Variants in FBXL13 observed in about 807,000 individuals in gnomAD.
FBXL13 encodes the protein F-box and leucine rich repeat protein 13.
A neutral mutation model predicts 83.6 loss-of-function variants in FBXL13; 67 were observed. That is an observed-to-expected ratio of 0.80 (90% CI 0.66 to 0.98). The LOEUF is 0.98. FBXL13 is among the 50% of genes least tolerant of loss of function. The pLI, the probability that FBXL13 is intolerant of heterozygous loss-of-function variation, is 0.00. For synonymous variants in FBXL13, 272 were observed against 299.5 expected (o/e 0.91, Z 0.95); for missense variants, 822 against 866.5 (o/e 0.95, Z 0.64).
intron 8 of FBXL13, among the ~76,000 whole-genome samples, chr7:102,942,694 ACC>A (rs1821694241): frequency 6.6e-6 from 1 of 152,146 alleles, no homozygotes; most frequent in Non-Finnish European, 1.5e-5. Flanking sequence ...TTTGTCCCCT[ACC>A]CGCAAGACAT....
chr7:102,879,455 G>A (rs1809716391), intron 14 of FBXL13, among the ~76,000 whole-genome samples: 2 of 151,740 alleles, frequency 1.3e-5, no homozygotes, highest in Admixed American at 1.3e-4. Context: ...GTGTGTGTGT[G>A]TGTGTGTGTG....
chr7:102,984,199 C>T (rs140442218), intron 6 of FBXL13, among the ~76,000 whole-genome samples: 1 of 151,834 alleles, frequency 6.6e-6, no homozygotes, highest in Non-Finnish European at 1.5e-5. Flanking sequence ...AATCTGATCA[C>T]ATTAAAAAGC....
chr7:102,879,027 T>A (rs1408834221), intron 14 of FBXL13, among the ~76,000 whole-genome samples: 2 of 152,188 alleles, frequency 1.3e-5, no homozygotes, highest in African/African-American at 4.8e-5. Flanking sequence ...AACCCTACCA[T>A]GTTGATCTTG....
chr7:103,042,469 AC>A (rs1297394082), intron 2 of FBXL13, among the ~76,000 whole-genome samples: 1 of 152,230 alleles, frequency 6.6e-6, no homozygotes, highest in African/African-American at 2.4e-5. Context: ...ATTGGAAAAA[AC>A]TACTTTAAAG....
chr7:102,911,107 G>T (rs1453207315), intron 11 of FBXL13, among the ~76,000 whole-genome samples: 1 of 152,160 alleles, frequency 6.6e-6, no homozygotes, highest in Non-Finnish European at 1.5e-5. Flanking sequence ...TTGTTAACTT[G>T]GTGTCCTTGG....
At chr7:102,884,869 T>C (rs892152139) in intron 11 of FBXL13, among the ~76,000 whole-genome samples, 11 of 152,156 alleles carry the variant, frequency 7.2e-5, no homozygotes, top group Non-Finnish European at 1.5e-4. Flanking sequence ...TCTGAATATT[T>C]CATATAAATG....
At chr7:102,939,966 C>T (rs1821077402) in intron 8 of FBXL13, among the ~76,000 whole-genome samples, 1 of 151,252 alleles carries the variant, frequency 6.6e-6, no homozygotes, top group Admixed American at 6.6e-5. Context: ...GTGATCTCGG[C>T]TCACTGCAAC....
chr7:102,985,278 C>A (rs1198623749), intron 6 of FBXL13, among the ~76,000 whole-genome samples: 1 of 152,222 alleles, frequency 6.6e-6, no homozygotes, highest in African/African-American at 2.4e-5. Context: ...TCTCTGTAGA[C>A]CATGTCCTAG....
intron 6 of FBXL13, among the ~76,000 whole-genome samples, chr7:103,020,181 A>G (rs575163334): frequency 2.4e-4 from 36 of 152,340 alleles, no homozygotes; most frequent in African/African-American, 8.4e-4. Flanking sequence ...TATGCAAATC[A>G]ATAAACATAG....
intron 3 of FBXL13, among the ~76,000 whole-genome samples, 173 bp from the exon 5 acceptor site, chr7:103,028,921 A>G (rs1378045699): frequency 6.6e-6 from 1 of 152,162 alleles, no homozygotes; most frequent in Admixed American, 6.6e-5. Flanking sequence ...AGAGTTATAG[A>G]GAAAAATGGA....
intron 5 of FBXL13, among the ~76,000 whole-genome samples, chr7:103,027,062 G>A (rs1340266838): frequency 6.6e-6 from 1 of 152,102 alleles, no homozygotes; most frequent in African/African-American, 2.4e-5. Context: ...AGGAGGCCGA[G>A]GCGGGCAGAT....
intron 6 of FBXL13, among the ~76,000 whole-genome samples, chr7:103,011,461 C>T (rs1310268643): frequency 6.6e-6 from 1 of 151,728 alleles, no homozygotes; most frequent in Non-Finnish European, 1.5e-5. Context: ...ATGGTGAAAC[C>T]CCATCTCTAC....
intron 8 of FBXL13, 54 bp from the exon 10 acceptor site, chr7:102,931,987 A>C: frequency 1.3e-6 from 2 of 1,529,060 alleles, no homozygotes; most frequent in Non-Finnish European, 1.8e-6. Context: ...TGTTTAAACA[A>C]AGTTTTTCTA....
exon 19 of FBXL13, chr7:102,822,056 A>G: frequency 6.2e-7 from 1 of 1,614,194 alleles, no homozygotes; most frequent in East Asian, 2.2e-5. Flanking sequence ...ATATTTGTGC[A>G]GTATTGCATC....
At chr7:102,981,351 T>C (rs1176256616) in intron 6 of FBXL13, among the ~76,000 whole-genome samples, 1 of 152,122 alleles carries the variant, frequency 6.6e-6, no homozygotes, top group African/African-American at 2.4e-5. Context: ...AATTTTTACT[T>C]ATTTGATCTA....
rs1809443643 is a variant in FBXL13 at position 102,877,606 on chromosome 7, A to G, written c.1509-13T>C. On this transcript the variant is annotated splice_polypyrimidine_tract_variant and intron_variant, in intron 15 of 19. Transcript: ENST00000313221. Reference sequence around the variant, plus strand: ...TAAATTAGGGCAGCTAAAAGAAAGTAGCATGGATTAATTTTAGCTGTCAAT... The same window carrying G: ...TAAATTAGGGCAGCTAAAAGAAAGTGGCATGGATTAATTTTAGCTGTCAAT... 1.2e-6 allele frequency: 2 copies of G among 1,600,792 alleles called. No individual in the cohort carries two copies. The highest frequency in any genetic ancestry group is 8.5e-7 in the Non-Finnish European group (1 of 1,176,628).
intron 8 of FBXL13, chr7:102,933,854 AGGAATACTT>A: frequency 6.8e-7 from 1 of 1,470,490 alleles, no homozygotes; most frequent in African/African-American, 1.4e-5. Flanking sequence ...TGGATTTCAA[AGGAATACTT>A]TCATTGTTCC....
At chr7:102,915,700 C>G (rs547435126) in intron 10 of FBXL13, among the ~76,000 whole-genome samples, 1 of 150,864 alleles carries the variant, frequency 6.6e-6, no homozygotes, top group African/African-American at 2.5e-5. Context: ...ACAAAAACAG[C>G]CAATTATATT....
At chr7:103,056,571 G>A (rs1447647541) in intron 1 of FBXL13, among the ~76,000 whole-genome samples, 1 of 152,088 alleles carries the variant, frequency 6.6e-6, no homozygotes, top group Non-Finnish European at 1.5e-5. Flanking sequence ...CGATTCTTCT[G>A]TCTCAGCCTC....
Sources: allele counts gnomAD v4.1 joint callset (sites outside exome capture counted in the v4.1 genomes callset), GRCh38; gene constraint gnomAD v4.1.1; transcripts MANE v1.5; gene names NCBI Gene and HGNC (gene_info 2026-07-23, HGNC 2026-07-21).